The following MEMO1 variants were observed in gnomAD, a reference collection of about 807,000 sequenced individuals.
MEMO1 encodes the protein mediator of cell motility 1.
In MEMO1, 6 loss-of-function variants were observed where a neutral mutation model predicts 45.2. The observed-to-expected ratio is 0.13, with a 90% CI of 0.07 to 0.26. MEMO1 has a LOEUF of 0.26. Among genes scored for constraint, MEMO1 ranks in the 10% least tolerant of loss-of-function variants. MEMO1 has a pLI of 1.00. For missense variants in MEMO1, 184 were observed against 370.5 expected (o/e 0.50, Z 4.13); for synonymous variants, 78 against 124.3 (o/e 0.63, Z 2.48).
chr2:31,881,217 C>CAG (rs948523667), intron 8 of MEMO1, among the ~76,000 whole-genome samples: 28 of 151,974 alleles, frequency 1.8e-4, no homozygotes, highest in African/African-American at 6.8e-4. Flanking sequence ...AGGCCAGGTG[C>CAG]AGTGGCTCAT....
intron 2 of MEMO1, among the ~76,000 whole-genome samples, chr2:31,996,199 A>T (rs974604560): frequency 1.3e-5 from 2 of 151,486 alleles, no homozygotes; most frequent in African/African-American, 4.8e-5. Context: ...AGAGAGAGAG[A>T]CAGAGGGGGA....
Position 31,896,337 on chromosome 2 carries a change from G to GT in MEMO1, c.438-4204dup, listed in dbSNP as rs546773580. On this transcript the variant is annotated intron_variant, in intron 6 of 9. Coordinates refer to ENST00000404530, the MANE Select transcript of MEMO1 (RefSeq NM_001301833.4). ...TCCTAGAACTATAAGAGCTAAAACTGTAACACTTCTAGAACAGGGGTTAGC... is the reference window on the plus strand; with the variant it reads ...TCCTAGAACTATAAGAGCTAAAACTGTTAACACTTCTAGAACAGGGGTTAGC... Among the ~76,000 whole-genome samples the GT allele has an allele frequency of 6.6e-5, 10 of 152,274 alleles. No homozygotes were observed. In the East Asian group the frequency reaches 1.7e-3, roughly 26 times the overall value.
intron 6 of MEMO1, among the ~76,000 whole-genome samples, chr2:31,912,613 GAAAA>G: frequency 6.8e-6 from 1 of 147,090 alleles, no homozygotes; most frequent in African/African-American, 2.5e-5. Context: ...GTAATCATAA[GAAAA>G]AAACTTTTTA....
At chr2:31,955,653 G>C (rs548140107) in intron 2 of MEMO1, among the ~76,000 whole-genome samples, 1 of 151,790 alleles carries the variant, frequency 6.6e-6, no homozygotes, top group Non-Finnish European at 1.5e-5. Flanking sequence ...TTCTTGCCCA[G>C]GCTGGAGTGC....
intron 8 of MEMO1, among the ~76,000 whole-genome samples, chr2:31,882,568 C>CTGGT (rs1469081846): frequency 1.3e-5 from 2 of 152,054 alleles, no homozygotes; most frequent in Non-Finnish European, 2.9e-5. Context: ...GGTCAAACTG[C>CTGGT]TGGTCCAAGG....
At chr2:31,887,612 T>C (rs1676389772) in intron 7 of MEMO1, among the ~76,000 whole-genome samples, 1 of 152,166 alleles carries the variant, frequency 6.6e-6, no homozygotes, top group South Asian at 2.1e-4. Flanking sequence ...ATTATGTAAG[T>C]AGCATCAAAT....
intron 2 of MEMO1, among the ~76,000 whole-genome samples, chr2:31,992,559 G>T (rs1217753906): frequency 1.3e-5 from 2 of 152,214 alleles, no homozygotes; most frequent in East Asian, 3.8e-4. Flanking sequence ...CGAGGTGGGT[G>T]GATCACCTGA....
intron 2 of MEMO1, among the ~76,000 whole-genome samples, chr2:32,001,432 T>C (rs1673305653): frequency 6.6e-6 from 1 of 152,106 alleles, no homozygotes. Flanking sequence ...TGTATTATAT[T>C]TATATTATAC....
chr2:31,964,991 A>G (rs1009725155), intron 2 of MEMO1, among the ~76,000 whole-genome samples: 1 of 151,980 alleles, frequency 6.6e-6, no homozygotes, highest in Non-Finnish European at 1.5e-5. Flanking sequence ...AGGCGGGTGG[A>G]TCACTTGAAG....
rs551459696 is a variant in MEMO1, at chr2:31,963,374, A to G, written c.62-19991T>C. 3.3e-5 allele frequency: 38 copies of G among 1,162,698 alleles called. No individual in the cohort carries two copies. In the Middle Eastern group the frequency reaches 1.3e-3, roughly 40 times the overall value. 72.0% of individuals were successfully genotyped at this position (1,162,698 alleles called of 1,614,324 possible). ...TACCCTACTGGTTCTGTTTCTCTGA[A>G]GGACACTGACTAATACTCCAAGAAG... On this transcript the variant is annotated intron_variant, in intron 2 of 9. Transcript: ENST00000404530.
chr2:31,945,140 C>G (rs909861829), intron 2 of MEMO1, among the ~76,000 whole-genome samples: 1 of 152,160 alleles, frequency 6.6e-6, no homozygotes, highest in African/African-American at 2.4e-5. Context: ...ATACTGTACA[C>G]AACCTTCTGC....
intron 2 of MEMO1, among the ~76,000 whole-genome samples, chr2:31,966,057 A>G (rs1668578068): frequency 6.6e-6 from 1 of 152,220 alleles, no homozygotes; most frequent in Admixed American, 6.5e-5. Flanking sequence ...CATATTAAAC[A>G]TATGTTTGCT....
intron 2 of MEMO1, among the ~76,000 whole-genome samples, chr2:32,009,161 G>A (rs1371448200): frequency 1.3e-5 from 2 of 152,204 alleles, no homozygotes; most frequent in Admixed American, 1.3e-4. Flanking sequence ...ACATAAAGAA[G>A]TCTAAAATGC....
intron 6 of MEMO1, among the ~76,000 whole-genome samples, chr2:31,901,807 G>A (rs904348509): frequency 4.6e-5 from 7 of 151,840 alleles, no homozygotes; most frequent in Non-Finnish European, 8.8e-5. Flanking sequence ...TACTCAGGAG[G>A]CGGAGGCAGG....
chr2:31,975,612 A>G (rs578261447), intron 2 of MEMO1, among the ~76,000 whole-genome samples: 1 of 152,336 alleles, frequency 6.6e-6, no homozygotes, highest in African/African-American at 2.4e-5. Flanking sequence ...GAACACTTTA[A>G]TGATGAGCTA....
chr2:31,947,460 T>C (rs931059759), intron 2 of MEMO1, among the ~76,000 whole-genome samples: 6 of 152,222 alleles, frequency 3.9e-5, no homozygotes, highest in East Asian at 3.8e-4. Context: ...TACTTGCCAA[T>C]ATGGTATCCT....
chr2:31,928,546 CA>C (rs11340855), intron 4 of MEMO1, among the ~76,000 whole-genome samples: 96,396 of 105,456 alleles, frequency 0.91, 43,869 homozygotes, highest in Middle Eastern at 0.99. Flanking sequence ...GACTCCATCT[CA>C]AAAAAAAAAA....
chr2:31,954,019 T>C (rs1053650712), intron 2 of MEMO1, among the ~76,000 whole-genome samples: 5 of 152,196 alleles, frequency 3.3e-5, no homozygotes, highest in African/African-American at 1.2e-4. Flanking sequence ...GACAAAAGTA[T>C]TTTGACTTCT....
intron 9 of MEMO1, 75 bp downstream of exon 9, chr2:31,869,773 T>C (rs768703727): frequency 1.5e-5 from 22 of 1,457,948 alleles, no homozygotes; most frequent in Middle Eastern, 1.8e-4. Flanking sequence ...AATGATGCCA[T>C]TGTATCACAA....
Sources: allele counts gnomAD v4.1 joint callset (sites outside exome capture counted in the v4.1 genomes callset), GRCh38; gene constraint gnomAD v4.1.1; transcripts MANE v1.5; gene names NCBI Gene and HGNC (gene_info 2026-07-23, HGNC 2026-07-21).